Variants in ZFHX3 observed in about 807,000 individuals in gnomAD.
The protein encoded by ZFHX3 is zinc finger homeobox protein 3.
ZFHX3 carries 42 observed loss-of-function variants against 279.1 expected under a neutral mutation model. That is an observed-to-expected ratio of 0.15 (90% confidence interval 0.12 to 0.19). The LOEUF (loss-of-function observed/expected upper bound fraction) is 0.19. Among genes scored for constraint, ZFHX3 ranks in the 10% least tolerant of loss-of-function variants. The probability of loss-of-function intolerance (pLI) is 1.00; values close to 1 mark genes in which losing one functional copy is unlikely to be tolerated. For missense variants in ZFHX3, 4,981 were observed against 4,754.0 expected (o/e 1.05, Z -1.40); for synonymous variants, 2,293 against 1,957.8 (o/e 1.17, Z -4.52).
chr16:73,309,906 C>CTTTTT lies in ZFHX3; in HGVS notation c.-1194+8329_-1194+8333dup, dbSNP rs57812149. ...TGCTTTGGGACTCGTTTTTTCTTGC[C>CTTTTT]TTTTTTTTTTTTTTTTTTTTGAGAT... On this transcript the variant is annotated intron_variant, in intron 4 of 17. Coordinates refer to the ZFHX3 transcript ENST00000641206. Among the ~76,000 whole-genome samples the CTTTTT allele has an allele frequency of 2.9e-3, 328 of 114,312 alleles. 11 individuals are homozygous for CTTTTT. Among genetic ancestry groups the CTTTTT allele is most frequent in the Middle Eastern group, 6.4e-3 (1 of 156 alleles). 75.0% of individuals were successfully genotyped at this position (114,312 alleles called of 152,430 possible). A position where few individuals can be genotyped will look rare whatever the true frequency, so the allele number is the denominator to read the frequency against.
intron 2 of ZFHX3, among the ~76,000 whole-genome samples, chr16:73,545,480 C>A (rs1230973405): frequency 6.6e-6 from 1 of 152,152 alleles, no homozygotes; most frequent in African/African-American, 2.4e-5. Flanking sequence ...ATCCCCTTAG[C>A]TGAAGGAGGA....
intron 3 of ZFHX3, among the ~76,000 whole-genome samples, chr16:73,444,044 A>G (rs1169876836): frequency 6.6e-6 from 1 of 152,242 alleles, no homozygotes; most frequent in African/African-American, 2.4e-5. Flanking sequence ...TACAGGCGTG[A>G]GCCACCACGC....
intron 5 of ZFHX3, among the ~76,000 whole-genome samples, chr16:73,202,557 C>T (rs2011645347): frequency 6.6e-6 from 1 of 152,208 alleles, no homozygotes; most frequent in Non-Finnish European, 1.5e-5. Flanking sequence ...AATGACTACA[C>T]TGTAATGCTG....
intron 5 of ZFHX3, among the ~76,000 whole-genome samples, chr16:72,814,065 T>G (rs1393020118): frequency 6.6e-6 from 1 of 152,122 alleles, no homozygotes; most frequent in East Asian, 1.9e-4. Context: ...CAAGATGGGG[T>G]GGGTGAGGGC....
intron 1 of ZFHX3, among the ~76,000 whole-genome samples, chr16:73,030,678 G>A (rs1964667307): frequency 6.6e-6 from 1 of 152,088 alleles, no homozygotes; most frequent in South Asian, 2.1e-4. Context: ...TGAGTCCAGA[G>A]CTAGAGCAGT....
At chr16:73,265,917 C>T (rs1351118476) in intron 4 of ZFHX3, among the ~76,000 whole-genome samples, 3 of 152,214 alleles carry the variant, frequency 2.0e-5, no homozygotes, top group Non-Finnish European at 4.4e-5. Flanking sequence ...ATGTAAACAG[C>T]TACCAGGCGT....
At chr16:73,466,529 T>C (rs1312228527) in intron 2 of ZFHX3, among the ~76,000 whole-genome samples, 2 of 152,178 alleles carry the variant, frequency 1.3e-5, no homozygotes, top group Non-Finnish European at 2.9e-5. Flanking sequence ...TAGAAGACTT[T>C]TATTACCTAG....
At chr16:73,867,632 C>T (rs1962060155) in intron 1 of ZFHX3, among the ~76,000 whole-genome samples, 1 of 152,304 alleles carries the variant, frequency 6.6e-6, no homozygotes, top group South Asian at 2.1e-4. Context: ...TAACACTTTA[C>T]AGTTGTGATA....
intron 7 of ZFHX3, among the ~76,000 whole-genome samples, chr16:72,806,321 G>C (rs1442482400): frequency 1.3e-5 from 2 of 152,176 alleles, no homozygotes; most frequent in East Asian, 3.9e-4. Flanking sequence ...AGATTGAAAA[G>C]GTAGATGGGA....
chr16:72,925,741 G>A (rs1959414623), intron 3 of ZFHX3, among the ~76,000 whole-genome samples: 1 of 152,238 alleles, frequency 6.6e-6, no homozygotes, highest in Non-Finnish European at 1.5e-5. Flanking sequence ...GGGAAACCAA[G>A]TGTCACCTTC....
intron 1 of ZFHX3, among the ~76,000 whole-genome samples, chr16:73,774,104 T>C (rs986197988): frequency 6.6e-6 from 1 of 152,016 alleles, no homozygotes; most frequent in African/African-American, 2.4e-5. Context: ...CACTCTAGCC[T>C]AGCTGACAGA....
intron 9 of ZFHX3, chr16:72,790,657 C>G (rs2035659305): frequency 6.6e-6 from 1 of 152,242 alleles, no homozygotes. Flanking sequence ...CCTCAGTGCA[C>G]ATAAGACACC....
chr16:73,683,495 A>G (rs2053048088), intron 1 of ZFHX3, among the ~76,000 whole-genome samples: 1 of 152,208 alleles, frequency 6.6e-6, no homozygotes, highest in Non-Finnish European at 1.5e-5. Context: ...ACCCTCTATA[A>G]AAGCCAAAAC....
At chr16:73,053,681 AGGAC>A (rs1168578418) in intron 1 of ZFHX3, among the ~76,000 whole-genome samples, 1 of 152,182 alleles carries the variant, frequency 6.6e-6, no homozygotes, top group East Asian at 1.9e-4. Flanking sequence ...GGCAAACCCT[AGGAC>A]GAGGCACAGC....
At chr16:73,258,460 C>G (rs539849736) in intron 4 of ZFHX3, among the ~76,000 whole-genome samples, 1 of 152,116 alleles carries the variant, frequency 6.6e-6, no homozygotes, top group Non-Finnish European at 1.5e-5. Context: ...CGCCATTCTC[C>G]TGCCTCAGCC....
At position 73,849,916 on chromosome 16, in the gene ZFHX3, A is replaced by T. The variant is rs544818673; in HGVS notation, c.-1608+41735T>A. On this transcript the variant is annotated intron_variant, in intron 1 of 17. Transcript: ENST00000641206. ...CCCGGCTAATTTTTGTATTTTTAGT[A>T]GAGGCGGGGTTTCACCATGTTGGTC... Among the ~76,000 whole-genome samples the T allele has an allele frequency of 5.3e-5, 8 of 152,196 alleles. No individual in the cohort carries two copies. In the East Asian group the frequency reaches 1.4e-3, roughly 26 times the overall value.
At chr16:73,325,694 T>TTTAATTGGCTTA (rs1379900569) in intron 3 of ZFHX3, among the ~76,000 whole-genome samples, 1 of 152,028 alleles carries the variant, frequency 6.6e-6, no homozygotes, top group Admixed American at 6.6e-5. Context: ...AATTTATCCA[T>TTTAATTGGCTTA]GCCAATTAAA....
chr16:73,810,439 G>T (rs1393199615), intron 1 of ZFHX3, among the ~76,000 whole-genome samples: 2 of 151,992 alleles, frequency 1.3e-5, no homozygotes, highest in African/African-American at 2.4e-5. Flanking sequence ...AACCTCTAAG[G>T]GTTCTTAAAT....
intron 2 of ZFHX3, among the ~76,000 whole-genome samples, chr16:73,463,985 A>G (rs922690602): frequency 1.3e-5 from 2 of 152,250 alleles, no homozygotes; most frequent in Non-Finnish European, 2.9e-5. Context: ...GCATTAATGC[A>G]TTAAAATAAA....
Sources: allele counts gnomAD v4.1 joint callset (sites outside exome capture counted in the v4.1 genomes callset), GRCh38; gene constraint gnomAD v4.1.1; transcripts MANE v1.5; gene names NCBI Gene and HGNC (gene_info 2026-07-23, HGNC 2026-07-21).